The following TMEM232 variants were observed in gnomAD, a reference collection of about 807,000 sequenced individuals.
TMEM232 encodes the protein transmembrane protein 232.
Under a neutral mutation model 78.8 loss-of-function variants are expected in TMEM232, and 80 were observed. The observed-to-expected ratio is 1.01, with a 90% CI of 0.85 to 1.22. The LOEUF (loss-of-function observed/expected upper bound fraction) is 1.22. Ranked by LOEUF, TMEM232 falls within the 50% of genes most tolerant of loss-of-function variation. TMEM232 has a pLI of 0.00. For synonymous variants in TMEM232, 297 were observed against 254.3 expected (o/e 1.17, Z -1.60); for missense variants, 881 against 742.2 (o/e 1.19, Z -2.17).
intron 11 of TMEM232, among the ~76,000 whole-genome samples, chr5:110,568,012 A>G (rs993011005): frequency 6.6e-5 from 10 of 151,956 alleles, no homozygotes; most frequent in African/African-American, 2.4e-4. Flanking sequence ...CATAGCCCTC[A>G]AATTAGAGGA....
chr5:110,651,582 T>C (rs1397609618), intron 2 of TMEM232, among the ~76,000 whole-genome samples: 1 of 152,098 alleles, frequency 6.6e-6, no homozygotes, highest in Non-Finnish European at 1.5e-5. Context: ...GTCTGTATTT[T>C]ACTCTGGATG....
chr5:110,443,744 T>C (rs1304148007), intron 12 of TMEM232, among the ~76,000 whole-genome samples: 2 of 152,208 alleles, frequency 1.3e-5, no homozygotes, highest in African/African-American at 2.4e-5. Context: ...TACGGCGTAC[T>C]ACCTGGATAT....
intron 2 of TMEM232, among the ~76,000 whole-genome samples, chr5:110,401,537 C>T (rs773291968): frequency 1.3e-5 from 2 of 151,990 alleles, no homozygotes; most frequent in Non-Finnish European, 2.9e-5. Context: ...CATTAGGCCA[C>T]CCCTGGGAAT....
intron 10 of TMEM232, among the ~76,000 whole-genome samples, chr5:110,573,498 T>C (rs1231708661): frequency 1.3e-5 from 2 of 152,078 alleles, no homozygotes; most frequent in African/African-American, 4.8e-5. Context: ...TAATATTTAC[T>C]GAGTGAATGC....
chr5:110,603,510 C>G (rs1469161422), intron 10 of TMEM232, among the ~76,000 whole-genome samples: 1 of 152,016 alleles, frequency 6.6e-6, no homozygotes, highest in Non-Finnish European at 1.5e-5. Flanking sequence ...AAAAACTAAC[C>G]TACATAGCCA....
chr5:110,692,439 G>C (rs533139224), intron 1 of TMEM232, among the ~76,000 whole-genome samples: 1 of 152,326 alleles, frequency 6.6e-6, no homozygotes, highest in Admixed American at 6.5e-5. Context: ...ACTGGGGAGT[G>C]CCGGACAGTG....
chr5:110,684,348 A>C (rs1793133345), intron 1 of TMEM232, among the ~76,000 whole-genome samples: 1 of 152,092 alleles, frequency 6.6e-6, no homozygotes, highest in Non-Finnish European at 1.5e-5. Context: ...CCAATTAAGA[A>C]GAGATTTCTG....
rs1274961698 is a variant in TMEM232, at chr5:110,579,124, G to A, written c.1277-10499C>T. On this transcript the variant is annotated intron_variant, in intron 10 of 13. Transcript: ENST00000455884. ...AGAGAAAAACAACTTGTCATGTCAA[G>A]GGGATGATTGTAAGACTACCCAAAG... Among the ~76,000 whole-genome samples, 3 of 151,616 alleles carry A rather than the reference G, an allele frequency of 2.0e-5. No homozygotes were observed. In the East Asian group the frequency reaches 5.8e-4, roughly 29 times the overall value.
intron 1 of TMEM232, among the ~76,000 whole-genome samples, chr5:110,693,927 A>G (rs1409871570): frequency 6.6e-6 from 1 of 152,210 alleles, no homozygotes; most frequent in Non-Finnish European, 1.5e-5. Flanking sequence ...AGGCAGGCCA[A>G]CATTCAAATT....
intron 12 of TMEM232, among the ~76,000 whole-genome samples, chr5:110,491,190 T>C (rs1459687491): frequency 6.6e-6 from 1 of 151,924 alleles, no homozygotes; most frequent in Non-Finnish European, 1.5e-5. Context: ...TTAAAGAAGG[T>C]AAACACATGG....
chr5:110,583,326 C>T (rs1225117004), intron 10 of TMEM232, among the ~76,000 whole-genome samples: 2 of 151,878 alleles, frequency 1.3e-5, no homozygotes, highest in Non-Finnish European at 2.9e-5. Flanking sequence ...ATAGAGATCC[C>T]AGAAATAAAT....
At chr5:110,509,644 C>T (rs1001803055) in intron 12 of TMEM232, among the ~76,000 whole-genome samples, 3 of 151,884 alleles carry the variant, frequency 2.0e-5, no homozygotes, top group East Asian at 1.9e-4. Context: ...ACAATATTAC[C>T]GCCCTTCCCA....
chr5:110,497,740 A>G (rs1378962024), intron 12 of TMEM232, among the ~76,000 whole-genome samples: 2 of 152,062 alleles, frequency 1.3e-5, no homozygotes, highest in African/African-American at 4.8e-5. Context: ...TTACACACTT[A>G]TGGTATTTTT....
intron 8 of TMEM232, among the ~76,000 whole-genome samples, chr5:110,612,286 G>A (rs887923143): frequency 1.3e-5 from 2 of 152,094 alleles, no homozygotes; most frequent in African/African-American, 4.8e-5. Context: ...CTTTTTCGCT[G>A]TATGATAATG....
At position 110,702,007 on chromosome 5, in the gene TMEM232, C is replaced by T. The variant is rs1490565406; in HGVS notation, c.-13+24620G>A. ...GTAACTAGAATTCTTGTATACCCCACTCCAAAAACTAGACAGCTAAGGGGG... is the reference window on the plus strand; with the variant it reads ...GTAACTAGAATTCTTGTATACCCCATTCCAAAAACTAGACAGCTAAGGGGG... On this transcript the variant is annotated intron_variant, in intron 1 of 13. Transcript: ENST00000455884. Among the ~76,000 whole-genome samples the T allele has an allele frequency of 5.3e-5, 8 of 152,092 alleles. No individual in the cohort carries two copies. In the East Asian group the frequency reaches 1.5e-3, roughly 29 times the overall value.
intron 12 of TMEM232, among the ~76,000 whole-genome samples, chr5:110,476,851 T>C (rs1166205915): frequency 6.6e-6 from 1 of 152,036 alleles, no homozygotes; most frequent in Non-Finnish European, 1.5e-5. Context: ...TTATTTCTTG[T>C]ATTTTGAAAA....
At chr5:110,654,606 G>A (rs1045107923) in intron 2 of TMEM232, among the ~76,000 whole-genome samples, 2 of 152,084 alleles carry the variant, frequency 1.3e-5, no homozygotes, top group African/African-American at 4.8e-5. Context: ...TGTTCTTTTG[G>A]CTTAGGATTG....
At chr5:110,717,163 T>C (rs1797096113) in intron 1 of TMEM232, among the ~76,000 whole-genome samples, 1 of 151,886 alleles carries the variant, frequency 6.6e-6, no homozygotes, top group African/African-American at 2.4e-5. Context: ...AAAAGTAACA[T>C]TTTCAGTATT....
chr5:110,709,181 A>C (rs1016617982), intron 1 of TMEM232, among the ~76,000 whole-genome samples: 9 of 152,146 alleles, frequency 5.9e-5, no homozygotes, highest in African/African-American at 2.2e-4. Context: ...GCAAGATGAT[A>C]TAAAAATTGG....
Sources: allele counts gnomAD v4.1 joint callset (sites outside exome capture counted in the v4.1 genomes callset), GRCh38; gene constraint gnomAD v4.1.1; transcripts MANE v1.5; gene names NCBI Gene and HGNC (gene_info 2026-07-23, HGNC 2026-07-21).